The following TFDP2 variants were observed in gnomAD, a reference collection of about 807,000 sequenced individuals.
TFDP2 encodes the protein transcription factor Dp-2, also known as transcription factor Dp-2 (E2F dimerization partner 2).
A neutral mutation model predicts 59.3 loss-of-function variants in TFDP2; 17 were observed. That is an observed-to-expected ratio of 0.29 (90% CI 0.20 to 0.43). The LOEUF is 0.43. Ranked by LOEUF, TFDP2 falls within the 20% of genes least tolerant of loss-of-function variation. The pLI, the probability that TFDP2 is intolerant of heterozygous loss-of-function variation, is 1.00. For missense variants in TFDP2, 391 were observed against 528.8 expected (o/e 0.74, Z 2.56); for synonymous variants, 180 against 194.7 (o/e 0.92, Z 0.63).
At chr3:142,135,603 T>C (rs2062696873) in intron 1 of TFDP2, among the ~76,000 whole-genome samples, 1 of 152,018 alleles carries the variant, frequency 6.6e-6, no homozygotes, top group Admixed American at 6.6e-5. Context: ...TCCTGCCCTG[T>C]GTCCAAGTGT....
chr3:142,031,131 T>C (rs1249646161), intron 3 of TFDP2, among the ~76,000 whole-genome samples: 1 of 152,206 alleles, frequency 6.6e-6, no homozygotes, highest in Admixed American at 6.5e-5. Flanking sequence ...ATATAAACTA[T>C]TTAGTGTATG....
chr3:142,037,988 T>A (rs1946766561), intron 3 of TFDP2, among the ~76,000 whole-genome samples: 1 of 152,204 alleles, frequency 6.6e-6, no homozygotes, highest in African/African-American at 2.4e-5. Flanking sequence ...GAAGCCTTTC[T>A]ACTGAGTGAA....
At position 141,979,759 on chromosome 3, in the gene TFDP2, T is replaced by G. The variant is rs939818774; in HGVS notation, c.357-1077A>C. ...GTGCACCACCACACCTGGCTAATTT[T>G]TGTACTTTTAGTAGAGACGGGGTTT... On this transcript the variant is annotated intron_variant, in intron 6 of 12. Transcript: ENST00000489671. Among the ~76,000 whole-genome samples the G allele has an allele frequency of 4.6e-5, 7 of 152,100 alleles. 1 individual carries two copies. The East Asian group carries it at 1.2e-3, about 25-fold the overall frequency.
chr3:141,978,607 T>G lies in TFDP2; in HGVS notation c.432A>C (p.Gln144His). ...HFSMKVCEKV[Q>H]RKGTTSYNEV... ...CATTGTACGATGTTGTACCTTTTCGTTGAACTTTCTCACACACTTTCATTG... is the reference window on the plus strand; with the variant it reads ...CATTGTACGATGTTGTACCTTTTCGGTGAACTTTCTCACACACTTTCATTG... Residue 144 changes from glutamine (Q) to histidine (H), a missense_variant, in exon 7 of 13, where the codon CAA (glutamine) becomes CAC (histidine). Physicochemically the swap from Gln to His is conservative, Grantham distance 24 (BLOSUM62 0). Transcript: ENST00000489671. 1 of 1,613,888 alleles carries G rather than the reference T, an allele frequency of 6.2e-7. No individual in the cohort carries two copies. The highest frequency in any genetic ancestry group is 8.5e-7 in the Non-Finnish European group (1 of 1,179,924).
chr3:142,000,976 GT>G (rs1943711179), intron 4 of TFDP2, among the ~76,000 whole-genome samples: 3 of 152,274 alleles, frequency 2.0e-5, no homozygotes, highest in Admixed American at 2.0e-4. Flanking sequence ...GTTCTCCTGG[GT>G]TAGAGTTTGA....
intron 3 of TFDP2, among the ~76,000 whole-genome samples, chr3:142,024,944 C>T (rs1945953007): frequency 2.0e-5 from 3 of 151,676 alleles, no homozygotes; most frequent in South Asian, 4.2e-4. Context: ...TGCTTGAACC[C>T]GGGAAGCACA....
intron 2 of TFDP2, among the ~76,000 whole-genome samples, chr3:142,099,782 T>A (rs933246447): frequency 2.6e-4 from 39 of 152,002 alleles, no homozygotes; most frequent in African/African-American, 9.2e-4. Flanking sequence ...ACTTATCAAA[T>A]CGCCTAGCCA....
chr3:141,960,910 G>A (rs1479678855), intron 10 of TFDP2, among the ~76,000 whole-genome samples: 3 of 152,076 alleles, frequency 2.0e-5, no homozygotes, highest in East Asian at 1.9e-4. Flanking sequence ...TTGGACCTAC[G>A]TCGGATAACA....
intron 6 of TFDP2, among the ~76,000 whole-genome samples, chr3:141,993,323 C>T (rs765189307): frequency 6.6e-6 from 1 of 152,100 alleles, no homozygotes; most frequent in African/African-American, 2.4e-5. Flanking sequence ...GACATACTAC[C>T]AATAGTCAAT....
chr3:142,046,740 A>G (rs371541909), intron 3 of TFDP2, among the ~76,000 whole-genome samples: 93 of 152,270 alleles, frequency 6.1e-4, no homozygotes, highest in African/African-American at 2.2e-3. Flanking sequence ...CTACTCATCG[A>G]AATTCCTCCT....
chr3:141,967,557 G>A (rs1938316797), intron 9 of TFDP2, among the ~76,000 whole-genome samples: 1 of 152,158 alleles, frequency 6.6e-6, no homozygotes, highest in African/African-American at 2.4e-5. Context: ...GCCTCCCAAA[G>A]TGCTGGGATT....
intron 1 of TFDP2, among the ~76,000 whole-genome samples, chr3:142,144,704 A>G (rs112909854): frequency 0.084 from 12,772 of 152,026 alleles, 658 homozygotes; most frequent in Middle Eastern, 0.14. Context: ...ACCAAGCCTG[A>G]CTACTTTTTG....
intron 4 of TFDP2, among the ~76,000 whole-genome samples, chr3:142,002,316 T>TG (rs1252699463): frequency 3.8e-4 from 47 of 125,216 alleles, no homozygotes; most frequent in African/African-American, 1.6e-3. Context: ...TTATTTTTAG[T>TG]GTTTTTTTTT....
intron 3 of TFDP2, among the ~76,000 whole-genome samples, chr3:142,071,410 G>T (rs983012294): frequency 6.6e-6 from 1 of 151,980 alleles, no homozygotes; most frequent in Admixed American, 6.6e-5. Flanking sequence ...CAACTGCATT[G>T]GTCTCTCAAA....
chr3:142,022,675 C>T (rs1341418509), intron 3 of TFDP2, among the ~76,000 whole-genome samples: 2 of 152,216 alleles, frequency 1.3e-5, no homozygotes, highest in African/African-American at 4.8e-5. Flanking sequence ...AAGAGTACTT[C>T]ACTGGAAATT....
chr3:142,023,122 CA>C (rs765096570), intron 3 of TFDP2, among the ~76,000 whole-genome samples: 8,140 of 59,368 alleles, frequency 0.14, 225 homozygotes, highest in Non-Finnish European at 0.17. Context: ...CCCTCCGTCT[CA>C]AAAAAAAAAA....
intron 3 of TFDP2, among the ~76,000 whole-genome samples, chr3:142,046,388 C>A (rs978474622): frequency 3.3e-5 from 5 of 152,180 alleles, no homozygotes; most frequent in African/African-American, 1.2e-4. Flanking sequence ...AAAAGGCATA[C>A]TACTCCCATG....
chr3:141,957,750 C>T (rs868470637), intron 11 of TFDP2, among the ~76,000 whole-genome samples: 2 of 152,140 alleles, frequency 1.3e-5, no homozygotes, highest in East Asian at 1.9e-4. Flanking sequence ...TCACATAAAG[C>T]GTCTTTCTAG....
intron 1 of TFDP2, among the ~76,000 whole-genome samples, chr3:142,139,194 T>C (rs2062845147): frequency 6.6e-6 from 1 of 151,926 alleles, no homozygotes; most frequent in Non-Finnish European, 1.5e-5. Flanking sequence ...CAACCCCTGC[T>C]TTTTTTTGCT....
Sources: gnomAD v4.1 joint callset for allele counts (sites outside exome capture counted in the v4.1 genomes callset) on GRCh38, gnomAD v4.1.1 for gene constraint, MANE v1.5 for transcripts, NCBI Gene and HGNC (gene_info 2026-07-23, HGNC 2026-07-21) for gene names.